QPCTL: variants seen among roughly 807,000 people sequenced by gnomAD.
QPCTL encodes the protein glutaminyl-peptide cyclotransferase like.
In QPCTL, 31 loss-of-function variants were observed where a neutral mutation model predicts 34.6. The observed-to-expected ratio is 0.90, with a 90% CI of 0.67 to 1.21. The LOEUF (loss-of-function observed/expected upper bound fraction) is 1.21. QPCTL is among the 50% of genes most tolerant of loss of function. QPCTL has a pLI of 0.00. For missense variants in QPCTL, 474 were observed against 507.8 expected (o/e 0.93, Z 0.64); for synonymous variants, 223 against 226.9 (o/e 0.98, Z 0.15).
Position 45,702,899 on chromosome 19 carries a change from T to G in QPCTL, c.1004-5T>G. 6.2e-7 allele frequency: 1 copy of G among 1,614,128 alleles called. No homozygotes were observed. The highest frequency in any genetic ancestry group is 8.5e-7 in the Non-Finnish European group (1 of 1,180,004). On this transcript the variant is annotated splice_polypyrimidine_tract_variant and splice_region_variant and intron_variant, in intron 6 of 6. Transcript: ENST00000012049. ...GACCTGACAAAGTCTCCTCTGTCAC[T>G]TCAGGGGTACCCGTGCTCCATCTCA...
chr19:45,703,120 C>A lies in QPCTL; in HGVS notation c.*71C>A, dbSNP rs1426300425. On this transcript the variant is annotated 3_prime_UTR_variant, in exon 7 of 7. Coordinates refer to ENST00000012049, the MANE Select transcript of QPCTL (RefSeq NM_017659.4). ...CCAGCGGGGGCCAGTGAAGCTCAGG[C>A]AGGATCTGCCTAGGGTGTGCTGGTT... 27 of 1,576,896 alleles carry A rather than the reference C, an allele frequency of 1.7e-5. No homozygotes were observed. Among genetic ancestry groups the A allele is most frequent in the Non-Finnish European group, 2.3e-5 (26 of 1,149,388 alleles).
chr19:45,695,847 T>TA, intron 3 of QPCTL, 129 bp downstream of exon 3: 2 of 1,045,230 alleles, frequency 1.9e-6, no homozygotes, highest in African/African-American at 2.4e-5. Flanking sequence ...GCCACAGGGA[T>TA]CTTTTTTTTT....
chr19:45,693,596 C>T, intron 2 of QPCTL, 40 bp downstream of exon 2: 1 of 1,548,542 alleles, frequency 6.5e-7, no homozygotes, highest in Non-Finnish European at 8.7e-7. Context: ...CCCTAGCCCT[C>T]CAGGGAATGG....
intron 2 of QPCTL, 107 bp from the exon 3 acceptor site, chr19:45,695,330 G>A (rs989507468): frequency 2.5e-5 from 25 of 985,520 alleles, no homozygotes; most frequent in Non-Finnish European, 3.6e-5. Flanking sequence ...AATCAGAGTG[G>A]GGCTTTAGTG....
chr19:45,703,337 C>CTT lies in QPCTL; in HGVS notation c.*298_*299dup, dbSNP rs11360726. The CTT allele has an allele frequency of 5.0e-3, 1,252 of 248,350 alleles. No individual in the cohort carries two copies. Among genetic ancestry groups the CTT allele is most frequent in the South Asian group, 7.8e-3 (127 of 16,194 alleles). 15.4% of individuals were successfully genotyped at this position (248,350 alleles called of 1,614,324 possible). A position where few individuals can be genotyped will look rare whatever the true frequency, so the allele number is the denominator to read the frequency against. Reference sequence around the variant, plus strand: ...AGGTTTGCAGGGACCAAATACTGTTCTTTTTTTTTTTGAGACGGAGTCTCA... The same window carrying CTT: ...AGGTTTGCAGGGACCAAATACTGTTCTTTTTTTTTTTTTGAGACGGAGTCTCA... On this transcript the variant is annotated 3_prime_UTR_variant, in exon 7 of 7. Transcript: ENST00000012049.
At chr19:45,699,189 A>G (rs1600343332) in intron 5 of QPCTL, among the ~76,000 whole-genome samples, 1 of 151,656 alleles carries the variant, frequency 6.6e-6, no homozygotes, top group Non-Finnish European at 1.5e-5. Context: ...GCATGCCACC[A>G]TGCCCAGCTA....
At chr19:45,692,960 C>A (rs1967603823) in intron 1 of QPCTL, 50 bp downstream of exon 1, 1 of 1,497,924 alleles carries the variant, frequency 6.7e-7, no homozygotes, top group Non-Finnish European at 8.9e-7. Context: ...ATTCCCTCCC[C>A]GCTGTTACCC....
intron 3 of QPCTL, among the ~76,000 whole-genome samples, chr19:45,697,400 TG>T (rs200325897): frequency 0.22 from 30,751 of 139,064 alleles, 3,477 homozygotes; most frequent in East Asian, 0.41. Context: ...TACGCCAGCC[TG>T]GGCGATACAG....
rs1457765956 is a variant in QPCTL, at chr19:45,701,811, C to G, written c.900C>G (p.His300Gln). The part of the protein sequence containing the change: ...HRLRSIEKRL[H>Q]RLNLLQSHPQ... ...CCCCACTTCCAGAGAAGCGTCTGCA[C>G]CGTTTGAACCTGCTGCAGTCTCATC... Residue 300 changes from histidine (H) to glutamine (Q), a missense_variant, in exon 6 of 7, where the codon CAC (histidine) becomes CAG (glutamine). Physicochemically the swap from His to Gln is conservative, Grantham distance 24. Transcript: ENST00000012049. The G allele has an allele frequency of 6.2e-7, 1 of 1,613,618 alleles. No individual in the cohort carries two copies. The highest frequency in any genetic ancestry group is 1.1e-5 in the South Asian group (1 of 91,062).
chr19:45,699,030 T>TC, intron 5 of QPCTL, 130 bp downstream of exon 5: 1 of 483,858 alleles, frequency 2.1e-6, no homozygotes, highest in Non-Finnish European at 3.5e-6. Flanking sequence ...GGAGACCCCA[T>TC]CTTTTTTTTT....
chr19:45,699,031 C>CTTT (rs563977852), intron 5 of QPCTL, 131 bp downstream of exon 5: 1,127 of 330,878 alleles, frequency 3.4e-3, no homozygotes, highest in Middle Eastern at 6.1e-3. Context: ...GAGACCCCAT[C>CTTT]TTTTTTTTTT....
At chr19:45,699,387 G>A (rs1460291511) in intron 5 of QPCTL, among the ~76,000 whole-genome samples, 2 of 151,954 alleles carry the variant, frequency 1.3e-5, no homozygotes, top group African/African-American at 2.4e-5. Flanking sequence ...TGTCATCCCA[G>A]CTACTGGGGA....
At chr19:45,694,995 G>A (rs1233588588) in intron 2 of QPCTL, among the ~76,000 whole-genome samples, 2 of 152,094 alleles carry the variant, frequency 1.3e-5, no homozygotes, top group African/African-American at 4.8e-5. Flanking sequence ...ATTTTAATCA[G>A]AGTAGGGGGC....
At chr19:45,702,620 C>T (rs1480010129) in intron 6 of QPCTL, among the ~76,000 whole-genome samples, 2 of 151,936 alleles carry the variant, frequency 1.3e-5, no homozygotes, top group African/African-American at 4.8e-5. Flanking sequence ...AAAAATTAGA[C>T]AGGTGTCGTG....
intron 4 of QPCTL, 29 bp downstream of exon 4, chr19:45,698,728 G>A (rs757421293): frequency 4.3e-6 from 7 of 1,613,630 alleles, no homozygotes; most frequent in South Asian, 1.1e-5. Context: ...GGCTTCTGGC[G>A]AGGGAGGGAG....
At position 45,701,733 on chromosome 19, in the gene QPCTL, T is replaced by A. The variant is rs1967814659; in HGVS notation, c.887-65T>A. On this transcript the variant is annotated intron_variant, in intron 5 of 6. Transcript: ENST00000012049. ...TCTGGGTGCTCTGCCTTCCTCTGAT[T>A]TGTGGACTGGGGACCTTCGACTACT... is the stretch of plus-strand genomic sequence containing the variant. 6 of 1,277,228 alleles carry A rather than the reference T, an allele frequency of 4.7e-6. No homozygotes were observed. The Admixed American group carries it at 1.2e-4, about 25-fold the overall frequency. 79.1% of individuals were successfully genotyped at this position (1,277,228 alleles called of 1,614,324 possible).
At chr19:45,699,271 T>C (rs1298215658) in intron 5 of QPCTL, among the ~76,000 whole-genome samples, 2 of 151,732 alleles carry the variant, frequency 1.3e-5, no homozygotes, top group Non-Finnish European at 2.9e-5. Flanking sequence ...GACCTCGTGA[T>C]CCGTCCACCT....
At chr19:45,700,796 T>C (rs1967795041) in intron 5 of QPCTL, among the ~76,000 whole-genome samples, 2 of 151,852 alleles carry the variant, frequency 1.3e-5, no homozygotes, top group African/African-American at 2.4e-5. Context: ...CCATCTCTAC[T>C]AATAATACAC....
In QPCTL at chr19:45,703,337, C is replaced by CTTTT; in HGVS notation, c.*296_*299dup. On this transcript the variant is annotated 3_prime_UTR_variant, in exon 7 of 7. Transcript: ENST00000012049. ...AGGTTTGCAGGGACCAAATACTGTT[C>CTTTT]TTTTTTTTTTTGAGACGGAGTCTCA... is the stretch of plus-strand genomic sequence containing the variant. 4.0e-6 allele frequency: 1 copy of CTTTT among 248,728 alleles called. No individual in the cohort carries two copies. The highest frequency in any genetic ancestry group is 7.9e-6 in the Non-Finnish European group (1 of 126,854). 15.4% of individuals were successfully genotyped at this position (248,728 alleles called of 1,614,324 possible).
Sources: gnomAD v4.1 joint callset for allele counts (sites outside exome capture counted in the v4.1 genomes callset) on GRCh38, gnomAD v4.1.1 for gene constraint, MANE v1.5 for transcripts, NCBI Gene and HGNC (gene_info 2026-07-23, HGNC 2026-07-21) for gene names.